The following EPHA6 variants were observed in gnomAD, a reference collection of about 807,000 sequenced individuals.
The protein encoded by EPHA6 is ephrin type-A receptor 6.
Under a neutral mutation model 112.0 loss-of-function variants are expected in EPHA6, and 50 were observed. The ratio of observed to expected loss-of-function variants is 0.45; its 90% confidence interval spans 0.36 to 0.56. The LOEUF (loss-of-function observed/expected upper bound fraction) is 0.56, where lower values mean the gene tolerates loss of function less well. EPHA6 is among the 20% of genes least tolerant of loss of function. EPHA6 has a pLI of 0.00. For missense variants in EPHA6, 1,280 were observed against 1,417.4 expected, an observed-to-expected ratio of 0.90 and a Z score of 1.56; for synonymous variants, 529 against 490.7, an observed-to-expected ratio of 1.08 and a Z score of -1.03.
intron 3 of EPHA6, among the ~76,000 whole-genome samples, chr3:97,183,202 G>A (rs942003892): frequency 1.3e-5 from 2 of 151,920 alleles, no homozygotes; most frequent in Non-Finnish European, 2.9e-5. Context: ...TGCCCATTTT[G>A]TGATGAGAAG....
intron 3 of EPHA6, among the ~76,000 whole-genome samples, chr3:97,182,724 T>C (rs1224105969): frequency 6.6e-6 from 1 of 152,126 alleles, no homozygotes; most frequent in Non-Finnish European, 1.5e-5. Context: ...TTAAGACAGA[T>C]GATGTTTTCT....
rs2035897885 is a variant in EPHA6, at chr3:97,751,408, A to G, written c.*2707A>G. On this transcript the variant is annotated 3_prime_UTR_variant, in exon 18 of 18. Transcript: ENST00000389672. ...CCTTCAAAATTCCTTTTAAATTATAATTTTATTTTTCAGAATGGTAAGCAT... is the reference window on the plus strand; with the variant it reads ...CCTTCAAAATTCCTTTTAAATTATAGTTTTATTTTTCAGAATGGTAAGCAT... Among the ~76,000 whole-genome samples, 1 of 152,056 alleles carries G rather than the reference A, an allele frequency of 6.6e-6. No homozygotes were observed. The highest frequency in any genetic ancestry group is 1.5e-5 in the Non-Finnish European group (1 of 67,970).
intron 3 of EPHA6, among the ~76,000 whole-genome samples, chr3:97,009,748 C>T (rs965505390): frequency 5.9e-5 from 9 of 152,188 alleles, no homozygotes; most frequent in Non-Finnish European, 4.4e-5. Flanking sequence ...TGGGATCTTT[C>T]GATCCATGGG....
At chr3:97,429,369 G>T (rs934448365) in intron 6 of EPHA6, among the ~76,000 whole-genome samples, 1 of 151,964 alleles carries the variant, frequency 6.6e-6, no homozygotes, top group Admixed American at 6.6e-5. Context: ...CGGTGGCAGA[G>T]TGAATCCCTT....
intron 14 of EPHA6, among the ~76,000 whole-genome samples, chr3:97,641,714 A>G (rs887992638): frequency 6.6e-6 from 1 of 152,226 alleles, no homozygotes; most frequent in Non-Finnish European, 1.5e-5. Flanking sequence ...TCCCACCCGA[A>G]TATTGCGCTT....
chr3:97,062,162 GATATA>G (rs1278503855), intron 3 of EPHA6, among the ~76,000 whole-genome samples: 1 of 152,096 alleles, frequency 6.6e-6, no homozygotes, highest in Non-Finnish European at 1.5e-5. Context: ...CTATAGTTGT[GATATA>G]ATATAACATG....
intron 3 of EPHA6, among the ~76,000 whole-genome samples, chr3:97,012,019 A>G (rs1254770040): frequency 3.9e-5 from 6 of 152,180 alleles, no homozygotes; most frequent in African/African-American, 1.4e-4. Flanking sequence ...ATAGTACTCC[A>G]TGGTACATAT....
At chr3:97,072,774 G>C (rs1472063148) in intron 3 of EPHA6, among the ~76,000 whole-genome samples, 2 of 152,092 alleles carry the variant, frequency 1.3e-5, no homozygotes, top group Non-Finnish European at 2.9e-5. Flanking sequence ...AAGTTGAAAA[G>C]AATTTCAGGA....
chr3:97,736,470 AGTGTGTGTGT>A (rs376497031), intron 16 of EPHA6, among the ~76,000 whole-genome samples: 5 of 118,876 alleles, frequency 4.2e-5, no homozygotes, highest in African/African-American at 1.0e-4. Context: ...AGAGAGAGAG[AGTGTGTGTGT>A]GTGTGTGTGT....
chr3:97,542,634 G>T (rs1327685217), intron 11 of EPHA6, among the ~76,000 whole-genome samples: 2 of 152,108 alleles, frequency 1.3e-5, no homozygotes, highest in Non-Finnish European at 2.9e-5. Context: ...TGGGTCAAAT[G>T]GTATTTCTAG....
chr3:97,399,692 G>T (rs1222623354), intron 5 of EPHA6, among the ~76,000 whole-genome samples: 1 of 151,612 alleles, frequency 6.6e-6, no homozygotes, highest in Non-Finnish European at 1.5e-5. Context: ...TAGTGATGAT[G>T]AGCATTTTTT....
At chr3:97,674,821 C>T (rs1378616138) in intron 14 of EPHA6, among the ~76,000 whole-genome samples, 1 of 152,194 alleles carries the variant, frequency 6.6e-6, no homozygotes, top group Non-Finnish European at 1.5e-5. Context: ...CTACATCTTT[C>T]CCCTTCTCTG....
In EPHA6 at chr3:97,755,058, G is replaced by A. The variant is rs761145546; in HGVS notation, c.*6357G>A. Among the ~76,000 whole-genome samples, 126 of 152,256 alleles carry A rather than the reference G, an allele frequency of 8.3e-4. 4 individuals carry two copies. The highest frequency in any genetic ancestry group is 2.9e-4 in the Non-Finnish European group (20 of 68,020). ...AAGTTCTTGCTTGAACTTTCACACT[G>A]ATTAATCAAAGTAACAAATCTCTAC... is the stretch of plus-strand genomic sequence containing the variant. On this transcript the variant is annotated 3_prime_UTR_variant, in exon 18 of 18. Transcript: ENST00000389672.
intron 2 of EPHA6, among the ~76,000 whole-genome samples, chr3:96,963,994 A>G (rs1420875430): frequency 2.6e-5 from 4 of 152,088 alleles, no homozygotes; most frequent in Non-Finnish European, 4.4e-5. Flanking sequence ...TTAAAAATAC[A>G]CATTTTAAAA....
chr3:97,760,391 T>C lies in EPHA6; in HGVS notation c.*11690T>C, dbSNP rs763698072. 4 of 162,172 alleles carry C rather than the reference T, an allele frequency of 2.5e-5. No individual in the cohort carries two copies. The highest frequency in any genetic ancestry group is 5.3e-5 in the Non-Finnish European group (4 of 75,110). 10.0% of individuals were successfully genotyped at this position (162,172 alleles called of 1,614,324 possible). Reference sequence around the variant, plus strand: ...TATACCATATGTATATATACATATGTATGTGTGTATGTGTGTATATATATC... The same window carrying C: ...TATACCATATGTATATATACATATGCATGTGTGTATGTGTGTATATATATC... On this transcript the variant is annotated 3_prime_UTR_variant, in exon 18 of 18. Coordinates refer to ENST00000389672, the MANE Select transcript of EPHA6 (RefSeq NM_001080448.3).
At chr3:97,705,762 T>C (rs2033645557) in intron 14 of EPHA6, among the ~76,000 whole-genome samples, 1 of 152,222 alleles carries the variant, frequency 6.6e-6, no homozygotes, top group South Asian at 2.1e-4. Flanking sequence ...GATTGACCTT[T>C]TAAAAGACCT....
chr3:97,077,770 C>T (rs1210819042), intron 3 of EPHA6, among the ~76,000 whole-genome samples: 1 of 152,154 alleles, frequency 6.6e-6, no homozygotes. Flanking sequence ...GTATGTGCCA[C>T]ATTTTCTTAA....
chr3:97,737,089 T>C (rs985982892), intron 16 of EPHA6, among the ~76,000 whole-genome samples: 2 of 151,962 alleles, frequency 1.3e-5, no homozygotes, highest in African/African-American at 4.8e-5. Context: ...GCAGCCTCAA[T>C]AAAGTGAAGC....
chr3:97,036,099 G>C (rs894625048), intron 3 of EPHA6, among the ~76,000 whole-genome samples: 1 of 151,876 alleles, frequency 6.6e-6, no homozygotes, highest in Non-Finnish European at 1.5e-5. Flanking sequence ...CCAGTGCCTC[G>C]ATCTTGTGCT....
Sources: allele counts gnomAD v4.1 joint callset (sites outside exome capture counted in the v4.1 genomes callset), GRCh38; gene constraint gnomAD v4.1.1; transcripts MANE v1.5; gene names NCBI Gene and HGNC (gene_info 2026-07-23, HGNC 2026-07-21).